ANO6: variants seen among roughly 807,000 people sequenced by gnomAD.
ANO6 encodes the protein anoctamin-6.
In ANO6, 106 loss-of-function variants were observed where a neutral mutation model predicts 117.5. That is an observed-to-expected ratio of 0.90 (90% CI 0.77 to 1.06). The LOEUF is 1.06. ANO6 is among the 50% of genes least tolerant of loss of function. The pLI is 0.00. For synonymous variants in ANO6, 367 were observed against 385.1 expected (o/e 0.95, Z 0.55); for missense variants, 955 against 1,121.1 (o/e 0.85, Z 2.12).
rs2137739791 is a variant in ANO6, at chr12:45,430,758, TACTTC to T, written c.*1452_*1456del. Reference sequence around the variant, plus strand: ...CTCACTTTTGCTCAGCCTAGCAGTCTACTTCACTTTATTGCCTTGTAAGTGTCAGG... The same window carrying T: ...CTCACTTTTGCTCAGCCTAGCAGTCTACTTTATTGCCTTGTAAGTGTCAGG... On this transcript the variant is annotated 3_prime_UTR_variant, in exon 20 of 20. Coordinates refer to ENST00000320560, the MANE Select transcript of ANO6 (RefSeq NM_001025356.3). 1.2e-5 allele frequency: 12 copies of T among 985,466 alleles called. No homozygotes were observed. Among genetic ancestry groups the T allele is most frequent in the Non-Finnish European group, 1.4e-5 (12 of 829,958 alleles). 61.0% of individuals were successfully genotyped at this position (985,466 alleles called of 1,614,324 possible).
rs555415951 is a variant in ANO6, at chr12:45,420,854, G to A, written c.2218-217G>A. Among the ~76,000 whole-genome samples the A allele has an allele frequency of 1.1e-4, 17 of 152,008 alleles. No homozygotes were observed. The East Asian group carries it at 3.3e-3, about 30-fold the overall frequency. On this transcript the variant is annotated intron_variant, in intron 17 of 19. Coordinates refer to ENST00000320560, the MANE Select transcript of ANO6 (RefSeq NM_001025356.3). ...AGCCTGGCCAACATGACAAAACCCT[G>A]TCTCTACTAAAAGTACAAAAATTAG...
rs560609759 is a variant in ANO6, at chr12:45,394,224, C to G, written c.1386+3726C>G. Among the ~76,000 whole-genome samples, 157 of 152,130 alleles carry G rather than the reference C, an allele frequency of 1.0e-3. 1 individual carries two copies. The highest frequency in any genetic ancestry group is 3.6e-3 in the African/African-American group (151 of 41,492). On this transcript the variant is annotated intron_variant, in intron 12 of 19. Transcript: ENST00000320560. ...GTCTCTCATAAAGCAGACTTTAAACCAACAAAGATCAAAAGAGAGACAAAA... is the reference window on the plus strand; with the variant it reads ...GTCTCTCATAAAGCAGACTTTAAACGAACAAAGATCAAAAGAGAGACAAAA...
rs747607963 is a variant in ANO6, at chr12:45,416,882, C to A, written c.2195C>A (p.Ala732Glu). The stretch of plus-strand genomic sequence containing the variant: ...TGGCAGCCCATCATGCAAGGAATAG[C>A]AATTCTGGCTGTGGTGACCAATGTG... ...GAWQPIMQGI[A>E]ILAVVTNAMI... is the part of the protein sequence containing the mutation. Residue 732 changes from alanine to glutamate, a missense_variant, in exon 17 of 20, where the codon GCA becomes GAA. By Grantham distance (107) the Ala-to-Glu change is moderately radical (BLOSUM62 -1). Transcript: ENST00000320560. The A allele has an allele frequency of 6.2e-7, 1 of 1,614,148 alleles. No individual in the cohort carries two copies.
At chr12:45,387,678 G>T (rs1330258343) in intron 10 of ANO6, among the ~76,000 whole-genome samples, 1 of 152,032 alleles carries the variant, frequency 6.6e-6, no homozygotes, top group East Asian at 1.9e-4. Flanking sequence ...CTATAATTTA[G>T]ATTTGATTTG....
At chr12:45,370,754 AAT>A (rs1233039866) in intron 9 of ANO6, among the ~76,000 whole-genome samples, 1 of 152,204 alleles carries the variant, frequency 6.6e-6, no homozygotes, top group African/African-American at 2.4e-5. Context: ...GGTCTTATGG[AAT>A]CCCTGGACAA....
chr12:45,429,797 A>C lies in ANO6; in HGVS notation c.*486A>C. On this transcript the variant is annotated 3_prime_UTR_variant, in exon 20 of 20. Coordinates refer to ENST00000320560, the MANE Select transcript of ANO6 (RefSeq NM_001025356.3). ...AGCTTTCATGTGATTAAAAATAGCTAACTAGACTCAAGGATTCACAATATT... is the reference window on the plus strand; with the variant it reads ...AGCTTTCATGTGATTAAAAATAGCTCACTAGACTCAAGGATTCACAATATT... 1.0e-6 allele frequency: 1 copy of C among 996,048 alleles called. No homozygotes were observed. The highest frequency in any genetic ancestry group is 4.4e-5 in the South Asian group (1 of 22,680). 61.7% of individuals were successfully genotyped at this position (996,048 alleles called of 1,614,324 possible).
Position 45,295,566 on chromosome 12 carries a change from G to A in ANO6, c.71-6448G>A, listed in dbSNP as rs928189687. 1.8e-4 allele frequency among the ~76,000 whole-genome samples: 27 copies of A among 151,948 alleles called. 1 individual carries two copies. The highest frequency in any genetic ancestry group is 6.3e-4 in the African/African-American group (26 of 41,376). On this transcript the variant is annotated intron_variant, in intron 1 of 19. Transcript: ENST00000320560. ...CTTTTTTATTTGTTTATTTTGTTTT[G>A]TTTTTGAGACAGAGTCTTACTCGGT...
intron 19 of ANO6, among the ~76,000 whole-genome samples, chr12:45,427,421 C>T (rs1445624429): frequency 1.3e-5 from 2 of 152,180 alleles, no homozygotes; most frequent in Non-Finnish European, 2.9e-5. Context: ...ACCAGCTCTG[C>T]ATTGGCTATT....
chr12:45,394,190 G>A (rs760100789), intron 12 of ANO6, among the ~76,000 whole-genome samples: 11 of 152,142 alleles, frequency 7.2e-5, no homozygotes, highest in Non-Finnish European at 1.5e-4. Context: ...AGCAGGGGTT[G>A]CAATCCTAGT....
At chr12:45,305,105 T>C (rs1006775454) in intron 2 of ANO6, among the ~76,000 whole-genome samples, 1 of 152,058 alleles carries the variant, frequency 6.6e-6, no homozygotes, top group Non-Finnish European at 1.5e-5. Flanking sequence ...TGGTAAGTGG[T>C]GAATAGAGAT....
chr12:45,388,734 C>G (rs1321504974), intron 11 of ANO6, among the ~76,000 whole-genome samples: 1 of 152,116 alleles, frequency 6.6e-6, no homozygotes, highest in Admixed American at 6.6e-5. Context: ...CAGTAAGCCT[C>G]AGTCACTGCT....
In ANO6 at chr12:45,293,505, T is replaced by TA. The variant is rs67790505; in HGVS notation, c.71-8498dup. ...AATTTTGCTTATAAAAATCACTCTT[T>TA]AAAAAAAAAAACCTTTTTCCTATAA... is the stretch of plus-strand genomic sequence containing the variant. On this transcript the variant is annotated intron_variant, in intron 1 of 19. Transcript: ENST00000320560. 7.3e-5 allele frequency among the ~76,000 whole-genome samples: 11 copies of TA among 150,492 alleles called. No homozygotes were observed. The South Asian group carries it at 1.7e-3, about 23-fold the overall frequency.
chr12:45,398,193 C>A (rs1440663950), intron 12 of ANO6, among the ~76,000 whole-genome samples: 1 of 152,106 alleles, frequency 6.6e-6, no homozygotes, highest in Non-Finnish European at 1.5e-5. Flanking sequence ...GAGTCCAGAT[C>A]ATCTAGAAGA....
chr12:45,260,007 T>G (rs966613875), intron 1 of ANO6, among the ~76,000 whole-genome samples: 1 of 152,240 alleles, frequency 6.6e-6, no homozygotes, highest in African/African-American at 2.4e-5. Flanking sequence ...AGTGTCCTTC[T>G]TTGCCCTCTG....
At chr12:45,287,870 C>G (rs910293924) in intron 1 of ANO6, among the ~76,000 whole-genome samples, 1 of 152,134 alleles carries the variant, frequency 6.6e-6, no homozygotes, top group African/African-American at 2.4e-5. Flanking sequence ...CCCACTACTC[C>G]TTATCCTTTT....
At chr12:45,255,372 G>A (rs913544061) in intron 1 of ANO6, among the ~76,000 whole-genome samples, 3 of 152,072 alleles carry the variant, frequency 2.0e-5, no homozygotes, top group Non-Finnish European at 2.9e-5. Context: ...CCATGGTGGC[G>A]TGCACCTGTA....
chr12:45,277,484 C>A (rs957577032), intron 1 of ANO6, among the ~76,000 whole-genome samples: 3 of 152,108 alleles, frequency 2.0e-5, no homozygotes, highest in African/African-American at 7.2e-5. Flanking sequence ...AGACCTCAGC[C>A]GAGTGAGGGA....
chr12:45,282,338 C>G (rs976041719), intron 1 of ANO6, among the ~76,000 whole-genome samples: 11 of 152,110 alleles, frequency 7.2e-5, no homozygotes, highest in African/African-American at 2.2e-4. Context: ...TTAACAGTTG[C>G]CAGCAGACAA....
intron 12 of ANO6, among the ~76,000 whole-genome samples, chr12:45,395,018 C>T (rs924366245): frequency 1.3e-5 from 2 of 152,052 alleles, no homozygotes; most frequent in African/African-American, 4.8e-5. Flanking sequence ...ATAAGAGACA[C>T]AAAAAACCCT....
Sources: gnomAD v4.1 joint callset for allele counts (sites outside exome capture counted in the v4.1 genomes callset) on GRCh38, gnomAD v4.1.1 for gene constraint, MANE v1.5 for transcripts, NCBI Gene and HGNC (gene_info 2026-07-23, HGNC 2026-07-21) for gene names.